Variants in DGKD observed in about 807,000 individuals in gnomAD.
The protein encoded by DGKD is DAG kinase delta.
Under a neutral mutation model 154.4 loss-of-function variants are expected in DGKD, and 68 were observed. The ratio of observed to expected loss-of-function variants is 0.44; its 90% CI spans 0.36 to 0.54. The LOEUF (loss-of-function observed/expected upper bound fraction) is 0.54, where lower values mean the gene tolerates loss of function less well. Ranked by LOEUF, DGKD falls within the 20% of genes least tolerant of loss-of-function variation. The pLI, the probability that DGKD is intolerant of heterozygous loss-of-function variation, is 0.00. For synonymous variants in DGKD, 693 were observed against 638.0 expected (o/e 1.09, Z -1.30); for missense variants, 1,343 against 1,593.6 (o/e 0.84, Z 2.68).
chr2:233,467,912 G>A (rs1302888519), intron 28 of DGKD, among the ~76,000 whole-genome samples: 1 of 152,150 alleles, frequency 6.6e-6, no homozygotes, highest in Admixed American at 6.5e-5. Context: ...ATCTCTGCTC[G>A]TTTCCTTTCC....
At chr2:233,394,690 CCTTTTTTTTT>C (rs1703883802) in intron 3 of DGKD, among the ~76,000 whole-genome samples, 3 of 83,250 alleles carry the variant, frequency 3.6e-5, no homozygotes, top group Admixed American at 1.6e-4. Flanking sequence ...AATTTAATTC[CCTTTTTTTTT>C]TTTTTTTTTT....
intron 10 of DGKD, among the ~76,000 whole-genome samples, chr2:233,443,988 C>T (rs1282768136): frequency 6.6e-6 from 1 of 152,124 alleles, no homozygotes; most frequent in Non-Finnish European, 1.5e-5. Flanking sequence ...TTACCCTTCC[C>T]TTAACGCTGT....
intron 1 of DGKD, among the ~76,000 whole-genome samples, chr2:233,377,559 G>A (rs911912022): frequency 6.6e-6 from 1 of 152,160 alleles, no homozygotes; most frequent in African/African-American, 2.4e-5. Flanking sequence ...GGGTATTTGG[G>A]TTATTTTCAG....
Position 233,446,704 on chromosome 2 carries a change from G to A in DGKD, c.1335-8G>A. On this transcript the variant is annotated splice_polypyrimidine_tract_variant and splice_region_variant and intron_variant, in intron 11 of 29. Transcript: ENST00000264057. ...TTGCCGCCTGTGCAGCTGACCTTGTGTGTGCAGGTGGAGCGTCATGGCATA... is the reference window on the plus strand; with the variant it reads ...TTGCCGCCTGTGCAGCTGACCTTGTATGTGCAGGTGGAGCGTCATGGCATA... 1 of 1,613,308 alleles carries A rather than the reference G, an allele frequency of 6.2e-7. No homozygotes were observed. The highest frequency in any genetic ancestry group is 1.1e-5 in the South Asian group (1 of 91,062).
intron 23 of DGKD, 119 bp from the exon 24 acceptor site, chr2:233,460,075 A>G: frequency 2.0e-6 from 3 of 1,493,454 alleles, no homozygotes; most frequent in Non-Finnish European, 2.7e-6. Context: ...ATGTTAAAAA[A>G]AAAAAAAAGT....
At chr2:233,463,528 G>A (rs1310857414) in intron 26 of DGKD, among the ~76,000 whole-genome samples, 2 of 95,432 alleles carry the variant, frequency 2.1e-5, no homozygotes, top group African/African-American at 1.1e-4. Flanking sequence ...CTCACTCCAC[G>A]CATCTCCTCA....
Position 233,390,385 on chromosome 2 carries a change from G to A in DGKD, c.268-18G>A. The stretch of plus-strand genomic sequence containing the variant: ...CCTGTCTTTATGTGCCTTAGTCCCT[G>A]TGTTTGTCTCTTTCTAGTCAATCAT... On this transcript the variant is annotated intron_variant, in intron 2 of 29. Coordinates refer to ENST00000264057, the MANE Select transcript of DGKD (RefSeq NM_152879.3). The A allele has an allele frequency of 1.9e-6, 3 of 1,610,176 alleles. No homozygotes were observed. The highest frequency in any genetic ancestry group is 1.1e-5 in the South Asian group (1 of 90,898).
chr2:233,390,528 G>A (rs370460949), intron 3 of DGKD, 45 bp downstream of exon 3: 9 of 1,502,344 alleles, frequency 6.0e-6, no homozygotes, highest in Non-Finnish European at 8.3e-6. Flanking sequence ...CACTGAAGTT[G>A]GCTTTCCTTT....
chr2:233,469,230 C>T lies in DGKD; in HGVS notation c.3556-141C>T, dbSNP rs2063924885. 1.3e-5 allele frequency: 9 copies of T among 691,816 alleles called. No individual in the cohort carries two copies. In the Middle Eastern group the frequency reaches 8.3e-4, roughly 64 times the overall value. 42.9% of individuals were successfully genotyped at this position (691,816 alleles called of 1,614,324 possible). A position where few individuals can be genotyped will look rare whatever the true frequency, so the allele number is the denominator to read the frequency against. On this transcript the variant is annotated intron_variant, in intron 29 of 29. Coordinates refer to ENST00000264057, the MANE Select transcript of DGKD (RefSeq NM_152879.3). ...GTTGTTACTTTTAAGCTGTTTCCATCTTGTTTTACCGTTTTTGTCATTTTG... is the reference window on the plus strand; with the variant it reads ...GTTGTTACTTTTAAGCTGTTTCCATTTTGTTTTACCGTTTTTGTCATTTTG...
chr2:233,438,492 G>A lies in DGKD; in HGVS notation c.1085+113G>A, dbSNP rs1473398451. ...ACAAAGCTTTAAATAGGAAAGAAAA[G>A]TTGAACTGCTTCCTTCCCAAATTGC... On this transcript the variant is annotated intron_variant, in intron 9 of 29. Coordinates refer to ENST00000264057, the MANE Select transcript of DGKD (RefSeq NM_152879.3). This position sits in a 1 kb window ranked among gnomAD's most constrained non-coding sequence, Gnocchi z 4.1. 5 of 1,304,500 alleles carry A rather than the reference G, an allele frequency of 3.8e-6. No homozygotes were observed. In the Admixed American group the frequency reaches 1.4e-4, roughly 36 times the overall value. 80.8% of individuals were successfully genotyped at this position (1,304,500 alleles called of 1,614,324 possible). A position where few individuals can be genotyped will look rare whatever the true frequency, so the allele number is the denominator to read the frequency against.
intron 1 of DGKD, among the ~76,000 whole-genome samples, chr2:233,364,713 GA>G (rs1415047749): frequency 2.0e-5 from 3 of 152,118 alleles, no homozygotes; most frequent in African/African-American, 2.4e-5. Flanking sequence ...AGAAAACACT[GA>G]ACAATTGGGA....
At chr2:233,376,167 G>C (rs918078944) in intron 1 of DGKD, among the ~76,000 whole-genome samples, 9 of 152,218 alleles carry the variant, frequency 5.9e-5, no homozygotes, top group Non-Finnish European at 1.5e-5. Flanking sequence ...TTGGTGTGTA[G>C]TGGAGATGGG....
rs1701468533 is a variant in DGKD, at chr2:233,354,882, C to T, written c.156+208C>T. On this transcript the variant is annotated intron_variant, in intron 1 of 29. Coordinates refer to ENST00000264057, the MANE Select transcript of DGKD (RefSeq NM_152879.3). This position sits in a 1 kb window ranked among gnomAD's most constrained non-coding sequence, Gnocchi z 4.8. The stretch of plus-strand genomic sequence containing the variant: ...CGCGCGGCCCCCGACGGACGGCGGG[C>T]GGCTGTGGGGCCGGGCGGGGGGCGC... Among the ~76,000 whole-genome samples the T allele has an allele frequency of 6.9e-6, 1 of 145,022 alleles. No homozygotes were observed. Among genetic ancestry groups the T allele is most frequent in the Non-Finnish European group, 1.5e-5 (1 of 65,350 alleles).
intron 3 of DGKD, among the ~76,000 whole-genome samples, chr2:233,402,901 T>G (rs2061593682): frequency 1.3e-5 from 2 of 152,196 alleles, no homozygotes; most frequent in African/African-American, 4.8e-5. Flanking sequence ...TAGGTAAGTG[T>G]GTTCCCTACT....
intron 3 of DGKD, among the ~76,000 whole-genome samples, chr2:233,419,963 TC>T (rs1471406601): frequency 2.0e-5 from 3 of 152,290 alleles, no homozygotes; most frequent in Admixed American, 2.0e-4. Flanking sequence ...CTCCCTTTCC[TC>T]CCTTCATGAA....
Position 233,457,461 on chromosome 2 carries a change from C to G in DGKD, c.2580+133C>G, listed in dbSNP as rs2063497397. The G allele has an allele frequency of 2.7e-6, 2 of 737,942 alleles. No individual in the cohort carries two copies. Among genetic ancestry groups the G allele is most frequent in the Admixed American group, 2.0e-5 (1 of 50,396 alleles). The allele number at this position is 737,942 out of a possible 1,614,324, so 45.7% of individuals were successfully genotyped here. ...CCAGCAGTGGGGTTGCCGTGGAGAA[C>G]AAGATAGACAGGGTCCCCCACCCAG... On this transcript the variant is annotated intron_variant, in intron 21 of 29. Coordinates refer to ENST00000264057, the MANE Select transcript of DGKD (RefSeq NM_152879.3). This position sits in a 1 kb window ranked among gnomAD's most constrained non-coding sequence, Gnocchi z 5.5.
At chr2:233,383,608 C>G (rs1171952177) in intron 1 of DGKD, among the ~76,000 whole-genome samples, 1 of 152,142 alleles carries the variant, frequency 6.6e-6, no homozygotes, top group East Asian at 1.9e-4. Flanking sequence ...GTTCTTCTGC[C>G]TTTTGCTGTA....
rs369328274 is a variant in DGKD, at chr2:233,449,949, G to A, written c.1889-33G>A. On this transcript the variant is annotated intron_variant, in intron 15 of 29. Transcript: ENST00000264057. The surrounding 1 kb of genome is among the most constrained non-coding windows in gnomAD (Gnocchi z 5.3). Reference sequence around the variant, plus strand: ...TGACAGCGCCCTTGGCTTTGCACCCGCGTGCTCAGCCGCACACACTCTCCT... The same window carrying A: ...TGACAGCGCCCTTGGCTTTGCACCCACGTGCTCAGCCGCACACACTCTCCT... 2.3e-5 allele frequency: 35 copies of A among 1,544,910 alleles called. No homozygotes were observed. Among genetic ancestry groups the A allele is most frequent in the East Asian group, 1.4e-4 (6 of 43,514 alleles).
intron 10 of DGKD, chr2:233,442,372 G>A (rs532535811): frequency 2.9e-6 from 1 of 344,018 alleles, no homozygotes; most frequent in East Asian, 6.6e-5. Flanking sequence ...TCTCAAGTCA[G>A]AGTCATGGTT....
Sources: allele counts gnomAD v4.1 joint callset (sites outside exome capture counted in the v4.1 genomes callset), GRCh38; gene constraint gnomAD v4.1.1; non-coding constraint Gnocchi (gnomAD v3.1); transcripts MANE v1.5; gene names NCBI Gene and HGNC (gene_info 2026-07-23, HGNC 2026-07-21).